MASP2: variants seen among roughly 807,000 people sequenced by gnomAD.
The protein encoded by MASP2 is mannan-binding lectin serine protease 2.
In MASP2, 49 loss-of-function variants were observed where a neutral mutation model predicts 57.1. The observed-to-expected ratio is 0.86, with a 90% CI of 0.68 to 1.09. The LOEUF is 1.09. MASP2 is among the 50% of genes least tolerant of loss of function. The pLI is 0.00. For synonymous variants in MASP2, 379 were observed against 340.8 expected, an observed-to-expected ratio of 1.11 and a Z score of -1.24; for missense variants, 900 against 874.8, an observed-to-expected ratio of 1.03 and a Z score of -0.36.
intron 9 of MASP2, 76 bp from the exon 10 acceptor site, chr1:11,030,326 A>G: frequency 1.0e-6 from 1 of 999,200 alleles, no homozygotes; most frequent in Non-Finnish European, 1.6e-6. Flanking sequence ...TACCCCCTTG[A>G]AAAATGTTGA....
Position 11,042,872 on chromosome 1 carries a change from C to T in MASP2, c.889+3G>A. 6.2e-7 allele frequency: 1 copy of T among 1,613,680 alleles called. No individual in the cohort carries two copies. The highest frequency in any genetic ancestry group is 1.7e-4 in the Middle Eastern group (1 of 6,056). ...AGCCAAGATCTGAGACCCACTTGCT[C>T]ACCTGTGCTCGTGTAGTGGATCTTC... On this transcript the variant is annotated splice_donor_region_variant and intron_variant, in intron 6 of 10. Transcript: ENST00000400897.
Position 11,046,589 on chromosome 1 carries a change from ACGG to A in MASP2, c.376_378del (p.Pro126del). On this transcript the variant is annotated inframe_deletion, in exon 3 of 11. Transcript: ENST00000400897. Reference sequence around the variant, plus strand: ...GCATAGAAGGCCTCGAACCCCGTGAACGGCTTCTCGTTGGAGTAGTCGGAGCGG... The same window carrying A: ...GCATAGAAGGCCTCGAACCCCGTGAACTTCTCGTTGGAGTAGTCGGAGCGG... 6.2e-7 allele frequency: 1 copy of A among 1,613,818 alleles called. No homozygotes were observed. Among genetic ancestry groups the A allele is most frequent in the South Asian group, 1.1e-5 (1 of 91,068 alleles).
intron 10 of MASP2, among the ~76,000 whole-genome samples, chr1:11,027,931 T>C (rs1035379882): frequency 6.6e-6 from 1 of 152,132 alleles, no homozygotes. Flanking sequence ...GTCTATAAGA[T>C]TGGGAAAATT....
At position 11,039,330 on chromosome 1, in the gene MASP2, GTGGATGGATGGATGGATGGATGGA is replaced by G. The variant is rs57562185; in HGVS notation, c.890-1543_890-1520del. Among the ~76,000 whole-genome samples the G allele has an allele frequency of 1.7e-3, 257 of 147,010 alleles. 4 individuals carry two copies. The highest frequency in any genetic ancestry group is 6.2e-3 in the African/African-American group (246 of 39,712). Reference sequence around the variant, plus strand: ...GGAATGATGGGTGGATGGAAGGATGGTGGATGGATGGATGGATGGATGGATGGATGGATGGATGGATGGATGGAT... The same window carrying G: ...GGAATGATGGGTGGATGGAAGGATGGTGGATGGATGGATGGATGGATGGAT... On this transcript the variant is annotated intron_variant, in intron 6 of 10. Transcript: ENST00000400897.
chr1:11,026,899 T>C lies in MASP2; in HGVS notation c.2047A>G (p.Ile683Val). 1 of 1,481,918 alleles carries C rather than the reference T, an allele frequency of 6.7e-7. No homozygotes were observed. Among genetic ancestry groups the C allele is most frequent in the South Asian group, 1.5e-5 (1 of 68,450 alleles). The allele number at this position is 1,481,918 out of a possible 1,614,324, so 91.8% of individuals were successfully genotyped here. A position where few individuals can be genotyped will look rare whatever the true frequency, so the allele number is the denominator to read the frequency against. Residue 683 changes from isoleucine to valine, a missense_variant, in exon 11 of 11, where the codon ATT (isoleucine) becomes GTT (valine). Transcript: ENST00000400897. ...AGACACGCAAGTTAAAAATCACTAA[T>C]TATGTTCTCGATCCAGGGAATATAG... Reference protein sequence around the residue: ...INYIPWIENIISDF With the variant: ...INYIPWIENIVSDF
chr1:11,038,235 CCT>C (rs1638310665), intron 6 of MASP2, among the ~76,000 whole-genome samples: 1 of 152,134 alleles, frequency 6.6e-6, no homozygotes, highest in African/African-American at 2.4e-5. Flanking sequence ...TTATGTGTAA[CCT>C]CTCTGAGTCT....
chr1:11,045,759 A>T, intron 3 of MASP2: 1 of 573,386 alleles, frequency 1.7e-6, no homozygotes, highest in Non-Finnish European at 3.1e-6. Context: ...CCTCTGTTAA[A>T]CCAGTGGGAG....
intron 10 of MASP2, 114 bp from the exon 11 acceptor site, chr1:11,027,762 T>A: frequency 8.8e-7 from 1 of 1,140,426 alleles, no homozygotes; most frequent in Non-Finnish European, 1.2e-6. Flanking sequence ...TTATATTACA[T>A]GAATTGGTGG....
intron 8 of MASP2, among the ~76,000 whole-genome samples, chr1:11,033,961 A>ACTCT (rs1643871097): frequency 5.6e-5 from 1 of 17,998 alleles, no homozygotes; most frequent in South Asian, 3.2e-3. Context: ...ACACACACAC[A>ACTCT]CACACTCTCT....
intron 8 of MASP2, among the ~76,000 whole-genome samples, chr1:11,033,949 ACACACACACACACACACT>A (rs1172355477): frequency 1.3e-3 from 81 of 60,254 alleles, no homozygotes; most frequent in African/African-American, 3.7e-3. Flanking sequence ...ACACACACAC[ACACACACACACACACACT>A]CTCTCTCTCT....
intron 6 of MASP2, among the ~76,000 whole-genome samples, chr1:11,040,019 G>A (rs1243581314): frequency 6.6e-6 from 1 of 151,420 alleles, no homozygotes; most frequent in Non-Finnish European, 1.5e-5. Context: ...GCAGAAGAAT[G>A]GGTGGGTGGG....
chr1:11,027,752 T>C, intron 10 of MASP2, 104 bp from the exon 11 acceptor site: 2 of 1,224,208 alleles, frequency 1.6e-6, no homozygotes, highest in Admixed American at 2.6e-5. Context: ...CAACCAAAAA[T>C]TATATTACAT....
intron 4 of MASP2, 49 bp downstream of exon 4, chr1:11,045,359 C>T (rs1035187350): frequency 6.2e-6 from 10 of 1,610,368 alleles, no homozygotes; most frequent in Non-Finnish European, 8.5e-6. Context: ...CTGAGGAGCC[C>T]CGGGTATCCC....
At position 11,034,968 on chromosome 1, in the gene MASP2, C is replaced by A. The variant is rs72550847; in HGVS notation, c.1009-62G>T. The A allele has an allele frequency of 2.5e-3, 3,034 of 1,233,340 alleles. 64 individuals carry two copies. The African/African-American group carries it at 0.041, about 17-fold the overall frequency. 76.4% of individuals were successfully genotyped at this position (1,233,340 alleles called of 1,614,324 possible). ...TATATCATAAAATCACTCCCCAAAG[C>A]TGTGCTCTCACAGCAGTTCCTATTC... On this transcript the variant is annotated intron_variant, in intron 7 of 10. Coordinates refer to ENST00000400897, the MANE Select transcript of MASP2 (RefSeq NM_006610.4).
intron 7 of MASP2, among the ~76,000 whole-genome samples, chr1:11,036,492 C>A: frequency 9.7e-6 from 1 of 102,872 alleles, no homozygotes; most frequent in African/African-American, 3.7e-5. Flanking sequence ...GCCTGGGCGA[C>A]AGAGCGAGAC....
chr1:11,044,767 C>CCAA, intron 4 of MASP2: 2 of 1,235,662 alleles, frequency 1.6e-6, no homozygotes, highest in Non-Finnish European at 2.2e-6. Flanking sequence ...CGCCTCCCGA[C>CCAA]CCTCCCACCC....
At chr1:11,038,540 G>T (rs1638320297) in intron 6 of MASP2, among the ~76,000 whole-genome samples, 1 of 152,124 alleles carries the variant, frequency 6.6e-6, no homozygotes, top group South Asian at 2.1e-4. Context: ...CTCCCCAGCT[G>T]CCCCTAAAAA....
At position 11,045,031 on chromosome 1, in the gene MASP2, C is replaced by G. The variant is rs371121224; in HGVS notation, c.544+377G>C. 792 of 1,402,960 alleles carry G rather than the reference C, an allele frequency of 5.6e-4. 6 individuals carry two copies. The African/African-American group carries it at 0.01, about 18-fold the overall frequency. 86.9% of individuals were successfully genotyped at this position (1,402,960 alleles called of 1,614,324 possible). ...TCGGGGGAGGCAGGGTCAGCGCCAG[C>G]AGGTGGGGCTGCCCACGCCCCAGAG... On this transcript the variant is annotated intron_variant, in intron 4 of 10. Transcript: ENST00000400897.
Position 11,026,560 on chromosome 1 carries a change from G to T in MASP2, c.*325C>A. 5.0e-6 allele frequency: 1 copy of T among 198,912 alleles called. No homozygotes were observed. The highest frequency in any genetic ancestry group is 1.0e-5 in the Non-Finnish European group (1 of 99,828). The allele number at this position is 198,912 out of a possible 1,614,324, so 12.3% of individuals were successfully genotyped here. ...AGTTTAAAAACAAAGAGCATGGACA[G>T]GCAGTTTACAGAAATGCCAACAGCC... is the stretch of plus-strand genomic sequence containing the variant. On this transcript the variant is annotated 3_prime_UTR_variant, in exon 11 of 11. Transcript: ENST00000400897.
Sources: gnomAD v4.1 joint callset for allele counts (sites outside exome capture counted in the v4.1 genomes callset) on GRCh38, gnomAD v4.1.1 for gene constraint, MANE v1.5 for transcripts, NCBI Gene and HGNC (gene_info 2026-07-23, HGNC 2026-07-21) for gene names.